Variants in TUSC3 observed in about 807,000 individuals in gnomAD.
TUSC3 encodes dolichyl-diphosphooligosaccharide--protein glycosyltransferase subunit TUSC3.
A neutral mutation model predicts 44.8 loss-of-function variants in TUSC3; 45 were observed. The observed-to-expected ratio is 1.00, with a 90% CI of 0.79 to 1.29. TUSC3 has a LOEUF of 1.29. TUSC3 is among the 50% of genes most tolerant of loss of function. The probability of loss-of-function intolerance (pLI) is 0.00; values close to 1 mark genes in which losing one functional copy is unlikely to be tolerated. For missense variants in TUSC3, 519 were observed against 437.9 expected, an observed-to-expected ratio of 1.19 and a Z score of -1.65; for synonymous variants, 212 against 152.9, an observed-to-expected ratio of 1.39 and a Z score of -2.85.
At chr8:15,566,294 G>T (rs889050406) in intron 1 of TUSC3, among the ~76,000 whole-genome samples, 1 of 152,108 alleles carries the variant, frequency 6.6e-6, no homozygotes, top group South Asian at 2.1e-4. Context: ...TATTGTCAGT[G>T]TATGTTCATC....
chr8:15,480,098 G>C (rs1333604170), intron 1 of TUSC3, among the ~76,000 whole-genome samples: 1 of 152,120 alleles, frequency 6.6e-6, no homozygotes, highest in African/African-American at 2.4e-5. Context: ...AACAAGGAAA[G>C]TGAAGGACCT....
intron 1 of TUSC3, among the ~76,000 whole-genome samples, chr8:15,435,782 C>T (rs117933098): frequency 0.024 from 3,682 of 152,306 alleles, 62 homozygotes; most frequent in Non-Finnish European, 0.036. Flanking sequence ...TCTGGATAGG[C>T]ATAGCGTTGC....
the TUSC3 span, among the ~76,000 whole-genome samples, chr8:15,845,682 G>A: frequency 2.6e-5 from 4 of 152,238 alleles, no homozygotes; most frequent in East Asian, 7.7e-4. Flanking sequence ...GCAGTATTCA[G>A]TATTTTGTTC....
At chr8:15,489,082 A>G (rs1263707990) in intron 2 of TUSC3, among the ~76,000 whole-genome samples, 1 of 152,198 alleles carries the variant, frequency 6.6e-6, no homozygotes, top group Admixed American at 6.5e-5. Context: ...GCAGAGTCTC[A>G]AGAGGTCCTG....
chr8:15,614,422 G>A (rs56130322), intron 1 of TUSC3, among the ~76,000 whole-genome samples: 32,574 of 152,042 alleles, frequency 0.21, 3,508 homozygotes, highest in South Asian at 0.3. Flanking sequence ...TCTTCAGTAA[G>A]ATATTTGTGA....
chr8:15,448,898 G>A (rs766021450), intron 1 of TUSC3, among the ~76,000 whole-genome samples: 44 of 152,180 alleles, frequency 2.9e-4, no homozygotes, highest in South Asian at 2.1e-4. Flanking sequence ...ACCTAGTGAC[G>A]TAGCCATTAT....
At chr8:15,653,312 CCT>C (rs1807000970) in intron 3 of TUSC3, among the ~76,000 whole-genome samples, 1 of 152,014 alleles carries the variant, frequency 6.6e-6, no homozygotes. Flanking sequence ...CAAGAAAAGA[CCT>C]AAATAAAAAT....
rs532740487 is a variant in TUSC3, at chr8:15,549,214, G to A, written c.138+8646G>A. Reference sequence around the variant, plus strand: ...TTTTGAGACGGAGTCTTGCTCTGTCGCCCAGGCTGGAGTGCAGTGGGCTAT... The same window carrying A: ...TTTTGAGACGGAGTCTTGCTCTGTCACCCAGGCTGGAGTGCAGTGGGCTAT... On this transcript the variant is annotated intron_variant, in intron 1 of 10. Transcript: ENST00000503731. Among the ~76,000 whole-genome samples the A allele has an allele frequency of 1.1e-3, 172 of 151,558 alleles. 2 individuals carry two copies. Among genetic ancestry groups the A allele is most frequent in the Non-Finnish European group, 2.1e-3 (140 of 67,806 alleles).
intron 2 of TUSC3, among the ~76,000 whole-genome samples, chr8:15,506,408 C>T (rs539155877): frequency 6.6e-6 from 1 of 152,320 alleles, no homozygotes; most frequent in East Asian, 1.9e-4. Context: ...AAAAACGGAC[C>T]TTCTAAAGGA....
chr8:15,690,023 A>G (rs778249408), intron 6 of TUSC3, among the ~76,000 whole-genome samples: 1 of 152,052 alleles, frequency 6.6e-6, no homozygotes, highest in Non-Finnish European at 1.5e-5. Context: ...TTTGGGGTGT[A>G]TACACAATAA....
chr8:15,639,256 G>C (rs1310795424), intron 2 of TUSC3, among the ~76,000 whole-genome samples: 1 of 151,818 alleles, frequency 6.6e-6, no homozygotes, highest in African/African-American at 2.4e-5. Context: ...TGATGATCAT[G>C]TGTCGATGCT....
intron 6 of TUSC3, among the ~76,000 whole-genome samples, chr8:15,693,048 C>G (rs1484178121): frequency 1.3e-5 from 2 of 152,168 alleles, no homozygotes; most frequent in East Asian, 3.9e-4. Context: ...CTATGGATGT[C>G]ACTGCATGTG....
At chr8:15,599,345 T>C (rs1314981162) in intron 1 of TUSC3, among the ~76,000 whole-genome samples, 2 of 151,820 alleles carry the variant, frequency 1.3e-5, no homozygotes, top group African/African-American at 4.8e-5. Flanking sequence ...ATCAGATGTC[T>C]CTTTGGCAAA....
At chr8:15,569,477 A>G (rs1325919094) in intron 1 of TUSC3, among the ~76,000 whole-genome samples, 1 of 152,172 alleles carries the variant, frequency 6.6e-6, no homozygotes, top group Non-Finnish European at 1.5e-5. Context: ...CTTGGAATAT[A>G]TGTGTAATTA....
intron 6 of TUSC3, among the ~76,000 whole-genome samples, chr8:15,704,634 A>G (rs1015572248): frequency 2.6e-5 from 1 of 38,362 alleles, no homozygotes. Flanking sequence ...ACTAAAGGAA[A>G]CTCTTTTTTT....
At chr8:15,697,879 C>G (rs911320188) in intron 6 of TUSC3, among the ~76,000 whole-genome samples, 5 of 152,072 alleles carry the variant, frequency 3.3e-5, no homozygotes, top group African/African-American at 1.2e-4. Flanking sequence ...TTATTTCTAG[C>G]CATCTAACAA....
chr8:15,627,686 C>G lies in TUSC3; in HGVS notation c.308+4437C>G, dbSNP rs147958289. Among the ~76,000 whole-genome samples, 3 of 152,300 alleles carry G rather than the reference C, an allele frequency of 2.0e-5. No individual in the cohort carries two copies. The East Asian group carries it at 5.8e-4, about 29-fold the overall frequency. On this transcript the variant is annotated intron_variant, in intron 2 of 10. Coordinates refer to ENST00000503731, the MANE Select transcript of TUSC3 (RefSeq NM_006765.4). ...TGCCACTGCATTCCCCAGTGCTGGC[C>G]GGGGAAGCTGCTTGCAGTCCACCTG...
At chr8:15,653,044 T>C (rs953244204) in intron 3 of TUSC3, among the ~76,000 whole-genome samples, 3 of 152,372 alleles carry the variant, frequency 2.0e-5, no homozygotes, top group Middle Eastern at 3.4e-3. Context: ...CCTTTCTTGG[T>C]ATGTCTTTTT....
chr8:15,834,390 A>G, the TUSC3 span, among the ~76,000 whole-genome samples: 1 of 152,142 alleles, frequency 6.6e-6, no homozygotes, highest in South Asian at 2.1e-4. Flanking sequence ...GCCAGAACAA[A>G]TCTGTAGTGA....
Sources: allele counts gnomAD v4.1 joint callset (sites outside exome capture counted in the v4.1 genomes callset), GRCh38; gene constraint gnomAD v4.1.1; transcripts MANE v1.5; gene names NCBI Gene and HGNC (gene_info 2026-07-23, HGNC 2026-07-21).